Variants in LINGO2 observed in about 807,000 individuals in gnomAD.
LINGO2 encodes leucine-rich repeat and immunoglobulin-like domain-containing nogo receptor-interacting protein 2.
A neutral mutation model predicts 30.6 loss-of-function variants in LINGO2; 14 were observed. That is an observed-to-expected ratio of 0.46 (90% CI 0.30 to 0.72). The LOEUF is 0.72. Ranked by LOEUF, LINGO2 falls within the 30% of genes least tolerant of loss-of-function variation. The pLI, the probability that LINGO2 is intolerant of heterozygous loss-of-function variation, is 0.07. For missense variants in LINGO2, 729 were observed against 751.7 expected, an observed-to-expected ratio of 0.97 and a Z score of 0.35; for synonymous variants, 317 against 288.5, an observed-to-expected ratio of 1.10 and a Z score of -1.00.
the LINGO2 span, among the ~76,000 whole-genome samples, chr9:28,988,472 A>G: frequency 6.6e-6 from 1 of 152,232 alleles, no homozygotes. Flanking sequence ...GTCTTTAAAA[A>G]AAAAATCCAT....
chr9:28,495,810 C>T (rs1447831481), intron 1 of LINGO2, among the ~76,000 whole-genome samples: 1 of 152,130 alleles, frequency 6.6e-6, no homozygotes, highest in Non-Finnish European at 1.5e-5. Flanking sequence ...CTATAAATTT[C>T]CCTCTACACA....
chr9:28,235,920 GATA>G (rs1290591167), intron 4 of LINGO2, among the ~76,000 whole-genome samples: 2 of 152,124 alleles, frequency 1.3e-5, no homozygotes, highest in Non-Finnish European at 2.9e-5. Context: ...TATTTAAAGA[GATA>G]ATATCAGAGG....
At chr9:28,729,245 T>C in the LINGO2 span, among the ~76,000 whole-genome samples, 1 of 152,256 alleles carries the variant, frequency 6.6e-6, no homozygotes, top group South Asian at 2.1e-4. Flanking sequence ...AATGATTTTA[T>C]AGCTCTTCCA....
At chr9:28,234,734 A>G (rs1313063566) in intron 4 of LINGO2, among the ~76,000 whole-genome samples, 5 of 152,160 alleles carry the variant, frequency 3.3e-5, no homozygotes, top group East Asian at 3.9e-4. Context: ...TTGGCCACAG[A>G]CTGTCAGCTT....
chr9:28,186,387 G>A (rs1029016935), intron 4 of LINGO2, among the ~76,000 whole-genome samples: 1 of 152,194 alleles, frequency 6.6e-6, no homozygotes, highest in Non-Finnish European at 1.5e-5. Flanking sequence ...TCATTCAGCA[G>A]ATACTTACAG....
the LINGO2 span, among the ~76,000 whole-genome samples, chr9:28,783,258 C>A: frequency 5.9e-5 from 9 of 152,050 alleles, no homozygotes; most frequent in Non-Finnish European, 1.3e-4. Context: ...TCCCTTATAA[C>A]GAAATCCCAT....
the LINGO2 span, among the ~76,000 whole-genome samples, chr9:28,893,118 C>T: frequency 6.6e-6 from 1 of 152,006 alleles, no homozygotes; most frequent in East Asian, 1.9e-4. Flanking sequence ...TTCTTCCATT[C>T]TCTACCCAAT....
chr9:28,540,590 T>C (rs150348688), intron 1 of LINGO2, among the ~76,000 whole-genome samples: 137 of 152,266 alleles, frequency 9.0e-4, no homozygotes, highest in Non-Finnish European at 1.7e-3. Flanking sequence ...TGCATTTTTC[T>C]TCCAAATAAT....
the LINGO2 span, among the ~76,000 whole-genome samples, chr9:29,127,828 C>G: frequency 1.3e-3 from 199 of 152,198 alleles, no homozygotes; most frequent in African/African-American, 4.5e-3. Context: ...AGTGGCAACT[C>G]GTCCAGGGTG....
chr9:29,083,670 T>C, the LINGO2 span, among the ~76,000 whole-genome samples: 1 of 151,622 alleles, frequency 6.6e-6, no homozygotes, highest in Non-Finnish European at 1.5e-5. Flanking sequence ...GGGATGGAAA[T>C]GCAGCTTTAT....
the LINGO2 span, among the ~76,000 whole-genome samples, chr9:28,883,013 T>G: frequency 3.9e-5 from 6 of 152,100 alleles, no homozygotes; most frequent in African/African-American, 1.4e-4. Context: ...TTAACTGGCC[T>G]TCCCCAATTC....
At chr9:28,848,405 A>ATATATATATACTGTATATAG in the LINGO2 span, among the ~76,000 whole-genome samples, 1 of 94,344 alleles carries the variant, frequency 1.1e-5, no homozygotes, top group African/African-American at 4.3e-5. Context: ...GTGTATATAT[A>ATATATATATACTGTATATAG]TATATATATA....
chr9:28,488,631 T>G (rs1564235429), intron 1 of LINGO2, among the ~76,000 whole-genome samples: 1 of 152,178 alleles, frequency 6.6e-6, no homozygotes, highest in Non-Finnish European at 1.5e-5. Flanking sequence ...CATATACTTG[T>G]GAGAATCAAA....
At chr9:28,072,297 G>A (rs1825502629) in intron 4 of LINGO2, among the ~76,000 whole-genome samples, 2 of 152,192 alleles carry the variant, frequency 1.3e-5, no homozygotes, top group African/African-American at 2.4e-5. Flanking sequence ...GCAGCTGCAA[G>A]CACACATTTC....
intron 4 of LINGO2, among the ~76,000 whole-genome samples, chr9:28,244,616 G>A (rs1047163763): frequency 3.3e-5 from 5 of 151,822 alleles, no homozygotes; most frequent in African/African-American, 1.2e-4. Flanking sequence ...AATGAATAAG[G>A]GGATATCATC....
chr9:27,962,764 C>G (rs184441705), intron 5 of LINGO2, among the ~76,000 whole-genome samples: 2 of 152,026 alleles, frequency 1.3e-5, no homozygotes, highest in African/African-American at 4.8e-5. Flanking sequence ...TCATAATGTC[C>G]GACTGTGACC....
At chr9:28,810,713 G>A in the LINGO2 span, among the ~76,000 whole-genome samples, 1 of 152,030 alleles carries the variant, frequency 6.6e-6, no homozygotes, top group Non-Finnish European at 1.5e-5. Flanking sequence ...CTTTCTCTAG[G>A]GCATCTATCA....
intron 2 of LINGO2, among the ~76,000 whole-genome samples, chr9:28,375,879 C>G (rs773196369): frequency 1.3e-5 from 2 of 152,046 alleles, no homozygotes; most frequent in African/African-American, 2.4e-5. Context: ...GGACACAGTA[C>G]GAATCTCATT....
intron 4 of LINGO2, among the ~76,000 whole-genome samples, chr9:28,292,366 T>G (rs758403295): frequency 2.0e-5 from 3 of 152,230 alleles, no homozygotes; most frequent in Non-Finnish European, 4.4e-5. Context: ...TCCAACAGTC[T>G]GAGGATTTTC....
Sources: gnomAD v4.1 joint callset for allele counts (sites outside exome capture counted in the v4.1 genomes callset) on GRCh38, gnomAD v4.1.1 for gene constraint, MANE v1.5 for transcripts, NCBI Gene and HGNC (gene_info 2026-07-23, HGNC 2026-07-21) for gene names.